Variants in FAM193A observed in about 807,000 individuals in gnomAD.
FAM193A encodes the protein family with sequence similarity 193 member A.
In FAM193A, 22 loss-of-function variants were observed where a neutral mutation model predicts 126.5. The ratio of observed to expected loss-of-function variants is 0.17; its 90% confidence interval spans 0.12 to 0.25. The LOEUF (loss-of-function observed/expected upper bound fraction) is 0.25, where lower values mean the gene tolerates loss of function less well. Among genes scored for constraint, FAM193A ranks in the 10% least tolerant of loss-of-function variants. The probability of loss-of-function intolerance (pLI) is 1.00; values close to 1 mark genes in which losing one functional copy is unlikely to be tolerated. For synonymous variants in FAM193A, 761 were observed against 646.8 expected, an observed-to-expected ratio of 1.18 and a Z score of -2.68; for missense variants, 1,675 against 1,672.8, an observed-to-expected ratio of 1.00 and a Z score of -0.02.
At chr4:2,602,959 CTTTTTTTTTT>C (rs71178487) in intron 2 of FAM193A, among the ~76,000 whole-genome samples, 1 of 42,292 alleles carries the variant, frequency 2.4e-5, no homozygotes, top group Admixed American at 4.2e-4. Context: ...TGCACCCGGC[CTTTTTTTTTT>C]TTTTTTTTTT....
intron 20 of FAM193A, among the ~76,000 whole-genome samples, chr4:2,729,270 AGATC>A (rs1191027194): frequency 6.6e-6 from 1 of 152,112 alleles, no homozygotes; most frequent in Non-Finnish European, 1.5e-5. Context: ...CGGGAAGGGA[AGATC>A]GCCTCAGGTG....
At chr4:2,706,709 A>G (rs564809037) in intron 19 of FAM193A, among the ~76,000 whole-genome samples, 21 of 150,236 alleles carry the variant, frequency 1.4e-4, no homozygotes, top group African/African-American at 4.2e-4. Flanking sequence ...TAGAGGCTCT[A>G]CATGTTGTAA....
intron 2 of FAM193A, among the ~76,000 whole-genome samples, chr4:2,602,249 G>A (rs935645420): frequency 4.0e-5 from 6 of 151,688 alleles, no homozygotes; most frequent in African/African-American, 1.2e-4. Flanking sequence ...AAAGAGAACA[G>A]TGCAAAGTTA....
chr4:2,731,968 A>G lies in FAM193A; in HGVS notation c.*100A>G, dbSNP rs1045751783. On this transcript the variant is annotated 3_prime_UTR_variant, in exon 21 of 21. Transcript: ENST00000637812. ...GCGCCCCAGAGCCGTGGTGCTTGCCAAGGGCTGTGCGGAGCTGGTGCTGCC... is the reference window on the plus strand; with the variant it reads ...GCGCCCCAGAGCCGTGGTGCTTGCCGAGGGCTGTGCGGAGCTGGTGCTGCC... 7 of 933,586 alleles carry G rather than the reference A, an allele frequency of 7.5e-6. No individual in the cohort carries two copies. The highest frequency in any genetic ancestry group is 3.2e-5 in the African/African-American group (2 of 62,226). 57.8% of individuals were successfully genotyped at this position (933,586 alleles called of 1,614,324 possible).
At chr4:2,682,922 T>G (rs1715322047) in intron 13 of FAM193A, among the ~76,000 whole-genome samples, 1 of 152,234 alleles carries the variant, frequency 6.6e-6, no homozygotes, top group Non-Finnish European at 1.5e-5. Flanking sequence ...TTACTTTGTC[T>G]TTATTCCTTC....
intron 18 of FAM193A, among the ~76,000 whole-genome samples, chr4:2,696,960 C>T (rs1396135841): frequency 6.6e-6 from 1 of 152,026 alleles, no homozygotes; most frequent in Non-Finnish European, 1.5e-5. Flanking sequence ...GCTTTTGGGG[C>T]CTGTGGGTTC....
Position 2,684,285 on chromosome 4 carries a change from G to T in FAM193A, c.2332-5221G>T, listed in dbSNP as rs375045071. Among the ~76,000 whole-genome samples the T allele has an allele frequency of 2.6e-5, 4 of 152,222 alleles. 1 individual carries two copies. The highest frequency in any genetic ancestry group is 1.9e-4 in the East Asian group (1 of 5,182). On this transcript the variant is annotated intron_variant, in intron 13 of 20. Transcript: ENST00000637812. Reference sequence around the variant, plus strand: ...TGTTCTGAGAACTTTTTTGGGATCAGTCCTCCAGTTAAGTGATTCTGTAGT... The same window carrying T: ...TGTTCTGAGAACTTTTTTGGGATCATTCCTCCAGTTAAGTGATTCTGTAGT...
At chr4:2,711,213 A>G (rs1246174452) in intron 19 of FAM193A, among the ~76,000 whole-genome samples, 2 of 152,008 alleles carry the variant, frequency 1.3e-5, no homozygotes, top group Admixed American at 1.3e-4. Flanking sequence ...TTAGAAATTC[A>G]GTTCATTTTG....
intron 1 of FAM193A, among the ~76,000 whole-genome samples, chr4:2,554,188 G>T (rs1232376641): frequency 1.3e-5 from 2 of 152,048 alleles, no homozygotes; most frequent in African/African-American, 4.8e-5. Flanking sequence ...GGGTTCAAGT[G>T]GTTCTCCTGC....
At chr4:2,730,814 A>G (rs1577294883) in intron 20 of FAM193A, among the ~76,000 whole-genome samples, 1 of 152,038 alleles carries the variant, frequency 6.6e-6, no homozygotes, top group East Asian at 1.9e-4. Context: ...AATCGCTTGA[A>G]CCTGGGAGGC....
intron 5 of FAM193A, 122 bp from the exon 6 acceptor site, chr4:2,639,613 G>A (rs1744407100): frequency 1.5e-6 from 1 of 683,734 alleles, no homozygotes; most frequent in African/African-American, 1.9e-5. Context: ...CTCTGGGCCT[G>A]TGAAGAGGGA....
intron 7 of FAM193A, among the ~76,000 whole-genome samples, chr4:2,651,349 C>CA (rs1288540597): frequency 5.9e-5 from 9 of 151,902 alleles, no homozygotes; most frequent in Non-Finnish European, 8.8e-5. Flanking sequence ...ACCAATAAAA[C>CA]AAAAAACCTA....
At chr4:2,686,014 TGA>T (rs1188132239) in intron 13 of FAM193A, among the ~76,000 whole-genome samples, 5 of 152,240 alleles carry the variant, frequency 3.3e-5, no homozygotes, top group Admixed American at 1.3e-4. Flanking sequence ...GTCCACGTTC[TGA>T]GAGAGTTACT....
chr4:2,558,768 A>G (rs2108835511), intron 1 of FAM193A, among the ~76,000 whole-genome samples: 1 of 152,326 alleles, frequency 6.6e-6, no homozygotes, highest in South Asian at 2.1e-4. Flanking sequence ...CGTGAGGCCG[A>G]GGTGGACAGA....
At chr4:2,622,094 A>G (rs980406435) in intron 2 of FAM193A, among the ~76,000 whole-genome samples, 10 of 151,984 alleles carry the variant, frequency 6.6e-5, no homozygotes, top group Non-Finnish European at 8.8e-5. Flanking sequence ...GTGTCTACCA[A>G]AAATACGAAA....
intron 1 of FAM193A, among the ~76,000 whole-genome samples, chr4:2,559,298 G>A (rs1475177855): frequency 2.6e-5 from 4 of 152,178 alleles, no homozygotes; most frequent in Non-Finnish European, 5.9e-5. Flanking sequence ...GGAAACTGAG[G>A]CCCGAAGACT....
intron 2 of FAM193A, among the ~76,000 whole-genome samples, chr4:2,602,270 G>GCT (rs1560473091): frequency 1.3e-5 from 2 of 151,276 alleles, no homozygotes; most frequent in South Asian, 2.1e-4. Context: ...GTTTCCTCTG[G>GCT]CTCTCTCTCT....
At chr4:2,627,129 A>G (rs1743048153) in intron 4 of FAM193A, among the ~76,000 whole-genome samples, 1 of 145,526 alleles carries the variant, frequency 6.9e-6, no homozygotes, top group Admixed American at 6.9e-5. Context: ...GGTGGCCATA[A>G]TTTTTATTCT....
At position 2,596,347 on chromosome 4, in the gene FAM193A, C is replaced by T. The variant is rs552906772; in HGVS notation, c.501+18C>T. On this transcript the variant is annotated intron_variant, in intron 2 of 20. Transcript: ENST00000637812. Reference sequence around the variant, plus strand: ...AGCCAGTGGTGAGTGGCTGCCAGCACAGGCAGCGCAGGGCGTTGGCTCCCC... The same window carrying T: ...AGCCAGTGGTGAGTGGCTGCCAGCATAGGCAGCGCAGGGCGTTGGCTCCCC... 2 of 699,298 alleles carry T rather than the reference C, an allele frequency of 2.9e-6. No homozygotes were observed. Among genetic ancestry groups the T allele is most frequent in the Non-Finnish European group, 5.2e-6 (2 of 382,992 alleles). The allele number at this position is 699,298 out of a possible 1,614,324, so 43.3% of individuals were successfully genotyped here.
Sources: gnomAD v4.1 joint callset for allele counts (sites outside exome capture counted in the v4.1 genomes callset) on GRCh38, gnomAD v4.1.1 for gene constraint, MANE v1.5 for transcripts, NCBI Gene and HGNC (gene_info 2026-07-23, HGNC 2026-07-21) for gene names.